The following JMJD8 variants were observed in gnomAD, a reference collection of about 807,000 sequenced individuals.
JMJD8 encodes the protein jumonji domain containing 8, also known as jmjC domain-containing protein 8.
JMJD8 carries 56 observed loss-of-function variants against 37.6 expected under a neutral mutation model. The ratio of observed to expected loss-of-function variants is 1.49; its 90% CI spans 1.20 to 1.86. The LOEUF is 1.86. Among genes scored for constraint, JMJD8 ranks in the 40% most tolerant of loss-of-function variants. The probability of loss-of-function intolerance (pLI) is 0.00; values close to 1 mark genes in which losing one functional copy is unlikely to be tolerated. For synonymous variants in JMJD8, 261 were observed against 163.7 expected, an observed-to-expected ratio of 1.59 and a Z score of -4.54; for missense variants, 542 against 362.7, an observed-to-expected ratio of 1.49 and a Z score of -4.01.
chr16:683,388 G>C lies in JMJD8; in HGVS notation c.445C>G (p.Arg149Gly), dbSNP rs1287831691. ...NNFTEWASLF[R>G]HYSPPPFGLL... Reference sequence around the variant, plus strand: ...CCAAATGGGGGTGGGGAGTAGTGCCGAAAGAGAGAGGCCCACTCGGTGAAG... The same window carrying C: ...CCAAATGGGGGTGGGGAGTAGTGCCCAAAGAGAGAGGCCCACTCGGTGAAG... Residue 149 changes from arginine to glycine, a missense_variant, in exon 6 of 9, where the codon CGG (arginine) becomes GGG (glycine). Physicochemically the swap from Arg to Gly is moderately radical, Grantham distance 125. Transcript: ENST00000609261. 1.9e-6 allele frequency: 3 copies of C among 1,555,258 alleles called. No homozygotes were observed. The highest frequency in any genetic ancestry group is 2.4e-5 in the East Asian group (1 of 41,150).
chr16:681,737 G>T lies in JMJD8; in HGVS notation c.*1057C>A, dbSNP rs765883057. 1 of 1,554,046 alleles carries T rather than the reference G, an allele frequency of 6.4e-7. No individual in the cohort carries two copies. The highest frequency in any genetic ancestry group is 8.7e-7 in the Non-Finnish European group (1 of 1,143,544). On this transcript the variant is annotated 3_prime_UTR_variant, in exon 9 of 9. Transcript: ENST00000609261. Reference sequence around the variant, plus strand: ...TGTGGATGTTAGCTCTGAGATTGGGGTGTGGTCAGACATCTGGCCAGGTCC... The same window carrying T: ...TGTGGATGTTAGCTCTGAGATTGGGTTGTGGTCAGACATCTGGCCAGGTCC...
chr16:683,503 C>G, intron 5 of JMJD8, 27 bp downstream of exon 5: 2 of 1,545,240 alleles, frequency 1.3e-6, no homozygotes, highest in Non-Finnish European at 1.7e-6. Flanking sequence ...CGTCCCCACC[C>G]CCTACCGCCG....
rs377625139 is a variant in JMJD8 at position 684,135 on chromosome 16, G to A, written c.107C>T (p.Ala36Val). ...CGTGCAGCGCTCCTCCTCCGCCACGGCCCCCGGCCCGCCCGGGCGCCTGCG... is the reference window on the plus strand; with the variant it reads ...CGTGCAGCGCTCCTCCTCCGCCACGACCCCCGGCCCGCCCGGGCGCCTGCG... ...DGGWRPGGPG[A>V]VAEEERCTVE... Residue 36 changes from alanine (A) to valine (V), a missense_variant, in exon 2 of 9, where the codon GCC becomes GTC. Coordinates refer to ENST00000609261, the MANE Select transcript of JMJD8 (RefSeq NM_001005920.4). 9.7e-4 allele frequency: 1,455 copies of A among 1,501,062 alleles called. 2 individuals are homozygous for A. Among genetic ancestry groups the A allele is most frequent in the Non-Finnish European group, 1.2e-3 (1,313 of 1,134,232 alleles). The allele number at this position is 1,501,062 out of a possible 1,614,324, so 93.0% of individuals were successfully genotyped here.
At position 684,110 on chromosome 16, in the gene JMJD8, C is replaced by A. The variant is rs751176407; in HGVS notation, c.132G>T (p.Thr44=). 4.5e-6 allele frequency: 7 copies of A among 1,554,468 alleles called. No individual in the cohort carries two copies. Among genetic ancestry groups the A allele is most frequent in the South Asian group, 2.3e-5 (2 of 85,730 alleles). ...PGAVAEEERC[T]VERRADLTYA... ...AGGTGAGGTCGGCCCGACGCTCCACCGTGCAGCGCTCCTCCTCCGCCACGG... is the reference window on the plus strand; with the variant it reads ...AGGTGAGGTCGGCCCGACGCTCCACAGTGCAGCGCTCCTCCTCCGCCACGG... The change falls in exon 2 of 9, where the codon ACG becomes ACT. Residue 44 remains threonine (T), a synonymous_variant. Coordinates refer to ENST00000609261, the MANE Select transcript of JMJD8 (RefSeq NM_001005920.4).
chr16:683,314 G>A lies in JMJD8; in HGVS notation c.511+8C>T, dbSNP rs1448717317. 2 of 1,599,446 alleles carry A rather than the reference G, an allele frequency of 1.3e-6. No individual in the cohort carries two copies. Among genetic ancestry groups the A allele is most frequent in the South Asian group, 1.1e-5 (1 of 89,474 alleles). ...CCTCAGTCCTTCCCAGTCCCAAGAA[G>A]CACCCACCTGCGATTCCAAAGCTGT... On this transcript the variant is annotated splice_region_variant and intron_variant, in intron 6 of 8. Coordinates refer to ENST00000609261, the MANE Select transcript of JMJD8 (RefSeq NM_001005920.4).
In JMJD8 at chr16:682,750, G is replaced by A. The variant is rs759393845; in HGVS notation, c.*44C>T. The A allele has an allele frequency of 1.9e-6, 3 of 1,591,198 alleles. No individual in the cohort carries two copies. Among genetic ancestry groups the A allele is most frequent in the East Asian group, 2.2e-5 (1 of 44,702 alleles). Reference sequence around the variant, plus strand: ...GTAATAAAATCCGTGAGCACGAGGTGGGACGTGCTGGTGTGTGACCGGCAG... The same window carrying A: ...GTAATAAAATCCGTGAGCACGAGGTAGGACGTGCTGGTGTGTGACCGGCAG... On this transcript the variant is annotated 3_prime_UTR_variant, in exon 9 of 9. Transcript: ENST00000609261.
Position 682,346 on chromosome 16 carries a change from C to T in JMJD8, c.*448G>A, listed in dbSNP as rs753067599. On this transcript the variant is annotated 3_prime_UTR_variant, in exon 9 of 9. Coordinates refer to ENST00000609261, the MANE Select transcript of JMJD8 (RefSeq NM_001005920.4). Reference sequence around the variant, plus strand: ...TCCTGGGCCCCATGACTGCCCTCTGCCCTTCTTGTCACTGCAGCGTGTGGG... The same window carrying T: ...TCCTGGGCCCCATGACTGCCCTCTGTCCTTCTTGTCACTGCAGCGTGTGGG... 1 of 1,613,086 alleles carries T rather than the reference C, an allele frequency of 6.2e-7. No homozygotes were observed. Among genetic ancestry groups the T allele is most frequent in the East Asian group, 2.2e-5 (1 of 44,888 alleles).
Position 684,241 on chromosome 16 carries a change from C to T in JMJD8, c.79G>A (p.Gly27Ser), listed in dbSNP as rs750019126. Residue 27 changes from glycine to serine, a missense_variant, in exon 1 of 9, where the codon GGC (glycine) becomes AGC (serine). Transcript: ENST00000609261. ...CCCTCCCGGGCCGCTCACCACCCGC[C>T]GTCGCCCTCCGCCCCGGAGCCGGGT... The part of the protein sequence containing the change: ...ALPGSGAEGD[G>S]GWRPGGPGAV... 12 of 1,350,718 alleles carry T rather than the reference C, an allele frequency of 8.9e-6. No individual in the cohort carries two copies. The South Asian group carries it at 2.0e-4, about 23-fold the overall frequency. The allele number at this position is 1,350,718 out of a possible 1,614,324, so 83.7% of individuals were successfully genotyped here. A position where few individuals can be genotyped will look rare whatever the true frequency, so the allele number is the denominator to read the frequency against.
rs764534080 is a variant in JMJD8 at position 681,803 on chromosome 16, G to C, written c.*991C>G. The C allele has an allele frequency of 6.2e-7, 1 of 1,600,034 alleles. No homozygotes were observed. The highest frequency in any genetic ancestry group is 1.1e-5 in the South Asian group (1 of 90,216). On this transcript the variant is annotated 3_prime_UTR_variant, in exon 9 of 9. Transcript: ENST00000609261. Reference sequence around the variant, plus strand: ...CTGGTCAACCCCCAGGGAGCTGGAAGAGTGCCAGCGAAACCACGAGGGTGA... The same window carrying C: ...CTGGTCAACCCCCAGGGAGCTGGAACAGTGCCAGCGAAACCACGAGGGTGA...
At position 682,605 on chromosome 16, in the gene JMJD8, T is replaced by C. The variant is rs989407866; in HGVS notation, c.*189A>G. 7 of 1,474,866 alleles carry C rather than the reference T, an allele frequency of 4.7e-6. No homozygotes were observed. The highest frequency in any genetic ancestry group is 6.5e-6 in the Non-Finnish European group (7 of 1,079,994). The allele number at this position is 1,474,866 out of a possible 1,614,324, so 91.4% of individuals were successfully genotyped here. A position where few individuals can be genotyped will look rare whatever the true frequency, so the allele number is the denominator to read the frequency against. On this transcript the variant is annotated 3_prime_UTR_variant, in exon 9 of 9. Transcript: ENST00000609261. ...GACCGCTTCCCCCAAGTTCTGCTGT[T>C]GGACTCTGGACTGTTTCCCCTCTCA...
In JMJD8 at chr16:684,293, C is replaced by G. The variant is rs1048773066; in HGVS notation, c.27G>C (p.Ala9=). The stretch of plus-strand genomic sequence containing the variant: ...GAGCCACAGCCGCCAGCGCCCAGAG[C>G]GCGAGCAACCGCGACGCCGGCGCCA... MAPASRLL[A]LWALAAVALP... The change falls in exon 1 of 9, where the codon GCG becomes GCC. Residue 9 remains alanine (A), a synonymous_variant. Transcript: ENST00000609261. The G allele has an allele frequency of 1.4e-6, 2 of 1,475,678 alleles. No homozygotes were observed. The highest frequency in any genetic ancestry group is 8.9e-7 in the Non-Finnish European group (1 of 1,121,434). 91.4% of individuals were successfully genotyped at this position (1,475,678 alleles called of 1,614,324 possible). A position where few individuals can be genotyped will look rare whatever the true frequency, so the allele number is the denominator to read the frequency against.
In JMJD8 at chr16:684,062, G is replaced by C. The variant is rs746589771; in HGVS notation, c.176+4C>G. 1.9e-6 allele frequency: 3 copies of C among 1,580,016 alleles called. No homozygotes were observed. On this transcript the variant is annotated splice_donor_region_variant and intron_variant, in intron 2 of 8. Transcript: ENST00000609261. ...GCGACCTCCGCGATCAGGGGCGCACGTACTGCTGCACGAACTCCGCGTAGG... is the reference window on the plus strand; with the variant it reads ...GCGACCTCCGCGATCAGGGGCGCACCTACTGCTGCACGAACTCCGCGTAGG...
chr16:683,303 AG>A lies in JMJD8; in HGVS notation c.511+18del. On this transcript the variant is annotated intron_variant, in intron 6 of 8. Coordinates refer to ENST00000609261, the MANE Select transcript of JMJD8 (RefSeq NM_001005920.4). ...ACCGACAGAAGCCTCAGTCCTTCCC[AG>A]TCCCAAGAAGCACCCACCTGCGATT... is the stretch of plus-strand genomic sequence containing the variant. 2.5e-6 allele frequency: 4 copies of A among 1,606,824 alleles called. No homozygotes were observed. The highest frequency in any genetic ancestry group is 3.4e-6 in the Non-Finnish European group (4 of 1,176,684).
In JMJD8 at chr16:683,876, T is replaced by C; in HGVS notation, c.210A>G (p.Gly70=). 2.5e-6 allele frequency: 4 copies of C among 1,585,332 alleles called. No homozygotes were observed. Among genetic ancestry groups the C allele is most frequent in the Non-Finnish European group, 1.7e-6 (2 of 1,168,432 alleles). ...ACGCGCTCACCGAGTTGTCCGTGAG[T>C]CCCTGCAGGATGACGGGCCTGACGA... ...YAFVRPVILQ[G]LTDNSRFRAL... is the part of the protein sequence containing the mutation. The change falls in exon 3 of 9, where the codon GGA becomes GGG. Residue 70 remains glycine (G), a synonymous_variant. Transcript: ENST00000609261.
At chr16:683,810 C>T in intron 3 of JMJD8, 29 bp from the exon 4 acceptor site, 1 of 1,588,794 alleles carries the variant, frequency 6.3e-7, no homozygotes, top group Middle Eastern at 1.7e-4. Context: ...GACTTAGTGG[C>T]CGGGCCCAGC....
Position 683,585 on chromosome 16 carries a change from GA to G in JMJD8, c.335del (p.Phe112SerfsTer77). ...TYSYHKVDLP[F>X]QEYVEQLLHP... ...GCAGCAGCTGCTCCACATACTCCTG[GA>G]AGGGCAAGTCCACTGCAGGAAAGAG... On this transcript the variant is annotated frameshift_variant, in exon 5 of 9. Coordinates refer to ENST00000609261, the MANE Select transcript of JMJD8 (RefSeq NM_001005920.4). LOFTEE classifies it high-confidence loss of function. 6.3e-7 allele frequency: 1 copy of G among 1,577,472 alleles called. No homozygotes were observed. Among genetic ancestry groups the G allele is most frequent in the Non-Finnish European group, 8.6e-7 (1 of 1,161,824 alleles).
chr16:684,146 G>T lies in JMJD8; in HGVS notation c.96C>A (p.Gly32=). The T allele has an allele frequency of 1.3e-6, 2 of 1,482,486 alleles. No homozygotes were observed. Among genetic ancestry groups the T allele is most frequent in the Non-Finnish European group, 1.8e-6 (2 of 1,124,342 alleles). 91.8% of individuals were successfully genotyped at this position (1,482,486 alleles called of 1,614,324 possible). A position where few individuals can be genotyped will look rare whatever the true frequency, so the allele number is the denominator to read the frequency against. ...CCTCCTCCGCCACGGCCCCCGGCCC[G>T]CCCGGGCGCCTGCGGGCACAGCTGG... ...GAEGDGGWRP[G]GPGAVAEEER... is the part of the protein sequence containing the mutation. The change falls in exon 2 of 9, where the codon GGC becomes GGA. Residue 32 remains glycine (G), a synonymous_variant. Transcript: ENST00000609261.
chr16:683,497 CCCACCCCCTA>C, intron 5 of JMJD8, 23 bp downstream of exon 5: 14 of 1,545,504 alleles, frequency 9.1e-6, no homozygotes, highest in Non-Finnish European at 1.2e-5. Context: ...TCCAAGCGTC[CCCACCCCCTA>C]CCGCCGCCTA....
Position 682,203 on chromosome 16 carries a change from C to G in JMJD8, c.*591G>C. ...CCGACTACCTGTGTGGCAAGATCAGCTTTGAGCTGATGCGGGAGCCGTGCA... is the reference window on the plus strand; with the variant it reads ...CCGACTACCTGTGTGGCAAGATCAGGTTTGAGCTGATGCGGGAGCCGTGCA... On this transcript the variant is annotated 3_prime_UTR_variant, in exon 9 of 9. Transcript: ENST00000609261. 1 of 1,612,988 alleles carries G rather than the reference C, an allele frequency of 6.2e-7. No homozygotes were observed. The highest frequency in any genetic ancestry group is 1.7e-5 in the Admixed American group (1 of 60,022).
Sources: gnomAD v4.1 joint callset for allele counts on GRCh38, gnomAD v4.1.1 for gene constraint, MANE v1.5 for transcripts, NCBI Gene and HGNC (gene_info 2026-07-23, HGNC 2026-07-21) for gene names.